ABCF2: variants seen among roughly 807,000 people sequenced by gnomAD.
ABCF2 encodes ATP binding cassette subfamily F member 2.
Under a neutral mutation model 76.9 loss-of-function variants are expected in ABCF2, and 37 were observed. That is an observed-to-expected ratio of 0.48 (90% CI 0.37 to 0.63). The LOEUF (loss-of-function observed/expected upper bound fraction) is 0.63. ABCF2 is among the 30% of genes least tolerant of loss of function. ABCF2 has a pLI of 0.00. For missense variants in ABCF2, 524 were observed against 782.1 expected (o/e 0.67, Z 3.94); for synonymous variants, 299 against 283.7 (o/e 1.05, Z -0.54).
intron 2 of ABCF2, among the ~76,000 whole-genome samples, chr7:151,225,808 T>TATA (rs1802360795): frequency 6.6e-6 from 1 of 152,220 alleles, no homozygotes; most frequent in South Asian, 2.1e-4. Flanking sequence ...TGCCTCAGTG[T>TATA]ATAGCACCAT....
In ABCF2 at chr7:151,222,449, T is replaced by A. The variant is rs1802287672; in HGVS notation, c.818+72A>T. ...TCTCACCGCTCTAACATCAGTGCAGTTTCTGGGCATCCATTTTCTAGATTC... is the reference window on the plus strand; with the variant it reads ...TCTCACCGCTCTAACATCAGTGCAGATTCTGGGCATCCATTTTCTAGATTC... On this transcript the variant is annotated intron_variant, in intron 6 of 14. Transcript: ENST00000287844. 2.3e-6 allele frequency: 3 copies of A among 1,287,774 alleles called. No individual in the cohort carries two copies. The South Asian group carries it at 3.7e-5, about 16-fold the overall frequency. 79.8% of individuals were successfully genotyped at this position (1,287,774 alleles called of 1,614,324 possible).
At chr7:151,221,786 T>C (rs1802273368) in intron 6 of ABCF2, 106 bp from the exon 7 acceptor site, 2 of 809,186 alleles carry the variant, frequency 2.5e-6, no homozygotes, top group Admixed American at 2.0e-5. Flanking sequence ...ACCTTTTAGA[T>C]GTGTTGTCCA....
At chr7:151,225,866 G>C (rs6958591) in intron 2 of ABCF2, among the ~76,000 whole-genome samples, 73,620 of 152,044 alleles carry the variant, frequency 0.48, 18,324 homozygotes, top group East Asian at 0.86. Flanking sequence ...ATAAATAACA[G>C]AAAGGGAGCT....
Position 151,214,027 on chromosome 7 carries a change from C to T in ABCF2, c.*27G>A, listed in dbSNP as rs1802101616. On this transcript the variant is annotated 3_prime_UTR_variant, in exon 15 of 15. Transcript: ENST00000287844. The surrounding 1 kb of genome is among the most constrained non-coding windows in gnomAD (Gnocchi z 4.9). ...AGCAGCTGTTAGTTCCCAGATGGAG[C>T]TCCTGACCCGAACCCAGGTAGAGGG... 6 of 1,610,758 alleles carry T rather than the reference C, an allele frequency of 3.7e-6. No individual in the cohort carries two copies. Among genetic ancestry groups the T allele is most frequent in the Non-Finnish European group, 4.2e-6 (5 of 1,178,962 alleles).
chr7:151,218,867 T>C lies in ABCF2; in HGVS notation c.1024A>G (p.Ile342Val). The C allele has an allele frequency of 6.2e-7, 1 of 1,613,542 alleles. No individual in the cohort carries two copies. The change falls in exon 9 of 15, where the codon ATT (isoleucine) becomes GTT (valine). Residue 342 changes from isoleucine (I) to valine (V), a missense_variant. Ile to Val is a conservative substitution (Grantham distance 29). Coordinates refer to ENST00000287844, the MANE Select transcript of ABCF2 (RefSeq NM_007189.3). ...GCACTGCCATGACCAAACCTCGCAA[T>C]GTAGTTCTAAAAAAGACCAAAGAGA... ...QDQIAHMKNYIARFGHGSAKL... is the reference protein window; with the variant it reads ...QDQIAHMKNYVARFGHGSAKL...
Position 151,218,127 on chromosome 7 carries a change from G to A in ABCF2, c.1292C>T (p.Pro431Leu), listed in dbSNP as rs1434857767. 6.2e-7 allele frequency: 1 copy of A among 1,613,964 alleles called. No homozygotes were observed. Among genetic ancestry groups the A allele is most frequent in the Non-Finnish European group, 8.5e-7 (1 of 1,179,998 alleles). ...AAGAGTTGACTTCCCTGCTCCATTG[G>A]GCCCTACCAGAGCCACTCGTGTGTC... ...DLDTRVALVGPNGAGKSTLLK... is the reference protein window; with the variant it reads ...DLDTRVALVGLNGAGKSTLLK... Residue 431 changes from proline to leucine, a missense_variant, in exon 11 of 15, where the codon CCC becomes CTC. Physicochemically the swap from Pro to Leu is moderately conservative, Grantham distance 98. Around this residue, in one of 2 missense-constraint regions of ABCF2, gnomAD observed 194 missense variants for 348.6 expected, o/e 0.56. Coordinates refer to ENST00000287844, the MANE Select transcript of ABCF2 (RefSeq NM_007189.3).
chr7:151,213,512 G>T lies in ABCF2; in HGVS notation c.*542C>A. ...CCCGAGAAGGAAGGTAGGGACCGTGGCTTCCTCTTTCTTTATTGGGCGCTT... is the reference window on the plus strand; with the variant it reads ...CCCGAGAAGGAAGGTAGGGACCGTGTCTTCCTCTTTCTTTATTGGGCGCTT... On this transcript the variant is annotated 3_prime_UTR_variant, in exon 15 of 15. Transcript: ENST00000287844. 1.0e-6 allele frequency: 1 copy of T among 985,902 alleles called. No individual in the cohort carries two copies. The highest frequency in any genetic ancestry group is 1.2e-6 in the Non-Finnish European group (1 of 830,350). 61.1% of individuals were successfully genotyped at this position (985,902 alleles called of 1,614,324 possible). A position where few individuals can be genotyped will look rare whatever the true frequency, so the allele number is the denominator to read the frequency against.
In ABCF2 at chr7:151,223,912, GC is replaced by G. The variant is rs1222080806; in HGVS notation, c.550+19del. 11 of 1,610,432 alleles carry G rather than the reference GC, an allele frequency of 6.8e-6. No homozygotes were observed. Among genetic ancestry groups the G allele is most frequent in the Non-Finnish European group, 9.3e-6 (11 of 1,177,418 alleles). ...TTTCTGGGAGGACGCCCACCCCTAT[GC>G]CCAGGTCTGGAGCCCTACCATCCTC... On this transcript the variant is annotated intron_variant, in intron 4 of 14. Transcript: ENST00000287844.
Position 151,221,694 on chromosome 7 carries a change from G to A in ABCF2, c.819-14C>T. 1.9e-6 allele frequency: 3 copies of A among 1,574,128 alleles called. No homozygotes were observed. Among genetic ancestry groups the A allele is most frequent in the Non-Finnish European group, 2.6e-6 (3 of 1,143,816 alleles). On this transcript the variant is annotated splice_polypyrimidine_tract_variant and intron_variant, in intron 6 of 14. Transcript: ENST00000287844. The stretch of plus-strand genomic sequence containing the variant: ...ATGCGCTTAAAACTGTAAAGCCAAA[G>A]AACCAATTAGTGAAGAGCTCAACCA...
At chr7:151,225,592 T>C (rs369340468) in intron 2 of ABCF2, among the ~76,000 whole-genome samples, 1 of 152,200 alleles carries the variant, frequency 6.6e-6, no homozygotes. Flanking sequence ...CATGATGGTA[T>C]TATAATTCAG....
At position 151,215,820 on chromosome 7, in the gene ABCF2, G is replaced by A. The variant is rs1213297038; in HGVS notation, c.1402-88C>T. 1.9e-6 allele frequency: 3 copies of A among 1,599,068 alleles called. No homozygotes were observed. The highest frequency in any genetic ancestry group is 1.7e-5 in the Admixed American group (1 of 58,878). On this transcript the variant is annotated intron_variant, in intron 12 of 14. Transcript: ENST00000287844. The surrounding 1 kb of genome is among the most constrained non-coding windows in gnomAD (Gnocchi z 4.6). Reference sequence around the variant, plus strand: ...AGGTAACTTCCTATTTCTATCCCAGGCACCTGTTCTGGGTTCAAGAAGCAG... The same window carrying A: ...AGGTAACTTCCTATTTCTATCCCAGACACCTGTTCTGGGTTCAAGAAGCAG...
chr7:151,218,217 G>A (rs1437512169), intron 10 of ABCF2, 26 bp from the exon 11 acceptor site: 2 of 1,493,636 alleles, frequency 1.3e-6, no homozygotes, highest in Non-Finnish European at 1.9e-6. Flanking sequence ...GAGAGATGTG[G>A]ACACAAGGCT....
chr7:151,215,110 C>T lies in ABCF2; in HGVS notation c.1531-28G>A, dbSNP rs980690164. The T allele has an allele frequency of 1.9e-6, 3 of 1,594,388 alleles. No homozygotes were observed. The highest frequency in any genetic ancestry group is 3.5e-5 in the Admixed American group (2 of 57,424). On this transcript the variant is annotated intron_variant, in intron 13 of 14. Coordinates refer to ENST00000287844, the MANE Select transcript of ABCF2 (RefSeq NM_007189.3). This position sits in a 1 kb window ranked among gnomAD's most constrained non-coding sequence, Gnocchi z 4.6. ...GAGTAGAACCGTGACCTACATATAA[C>T]TTGGCATTATCCCCGCCAAACAGCA...
rs1802062455 is a variant in ABCF2, at chr7:151,212,318, G to A, written c.*1736C>T. 4 of 985,312 alleles carry A rather than the reference G, an allele frequency of 4.1e-6. No individual in the cohort carries two copies. The African/African-American group carries it at 7.0e-5, about 17-fold the overall frequency. 61.0% of individuals were successfully genotyped at this position (985,312 alleles called of 1,614,324 possible). On this transcript the variant is annotated 3_prime_UTR_variant, in exon 15 of 15. Transcript: ENST00000287844. ...ATAAGGTATGCAGAGCCCTGGGCTG[G>A]AAGTGAATTCAACAGTGATGATAAC...
intron 2 of ABCF2, 75 bp downstream of exon 2, chr7:151,226,230 T>A: frequency 1.3e-6 from 2 of 1,507,554 alleles, no homozygotes; most frequent in Non-Finnish European, 9.0e-7. Flanking sequence ...ACCCCCAGCA[T>A]CAAGATTCCA....
At chr7:151,216,586 G>A (rs1384074010) in intron 11 of ABCF2, among the ~76,000 whole-genome samples, 1 of 152,158 alleles carries the variant, frequency 6.6e-6, no homozygotes, top group East Asian at 1.9e-4. Flanking sequence ...GTGCAGTGGC[G>A]AGATCTCGAC....
chr7:151,216,387 C>G (rs755846220), intron 11 of ABCF2, among the ~76,000 whole-genome samples: 12 of 152,148 alleles, frequency 7.9e-5, no homozygotes, highest in Non-Finnish European at 1.2e-4. Context: ...GAAACAGAAC[C>G]TATTTTAAAG....
At position 151,214,370 on chromosome 7, in the gene ABCF2, T is replaced by C. The variant is rs1411054429; in HGVS notation, c.1735-179A>G. Among the ~76,000 whole-genome samples, 1 of 152,216 alleles carries C rather than the reference T, an allele frequency of 6.6e-6. No individual in the cohort carries two copies. Among genetic ancestry groups the C allele is most frequent in the Non-Finnish European group, 1.5e-5 (1 of 68,044 alleles). ...TAACCCAAGGGTACCATCATCAGGT[T>C]TGGAGCCTTCCAAGCCAGGAACTGC... is the stretch of plus-strand genomic sequence containing the variant. On this transcript the variant is annotated intron_variant, in intron 14 of 14. Coordinates refer to ENST00000287844, the MANE Select transcript of ABCF2 (RefSeq NM_007189.3). The surrounding 1 kb of genome is among the most constrained non-coding windows in gnomAD (Gnocchi z 4.9).
At chr7:151,220,723 C>T (rs1247446291) in intron 7 of ABCF2, among the ~76,000 whole-genome samples, 3 of 152,170 alleles carry the variant, frequency 2.0e-5, no homozygotes, top group Admixed American at 6.5e-5. Context: ...TGTGGTGGCT[C>T]ATGCCTGTTA....
Sources: allele counts gnomAD v4.1 joint callset (sites outside exome capture counted in the v4.1 genomes callset), GRCh38; gene constraint gnomAD v4.1.1; regional missense constraint gnomAD v4.1.1; non-coding constraint Gnocchi (gnomAD v3.1); transcripts MANE v1.5; gene names NCBI Gene and HGNC (gene_info 2026-07-23, HGNC 2026-07-21).